The following TMEM178B variants were observed in gnomAD, a reference collection of about 807,000 sequenced individuals.
TMEM178B encodes the protein transmembrane protein 178B.
Under a neutral mutation model 31.0 loss-of-function variants are expected in TMEM178B, and 5 were observed. The observed-to-expected ratio is 0.16, with a 90% CI of 0.08 to 0.34. The LOEUF is 0.34. Ranked by LOEUF, TMEM178B falls within the 10% of genes least tolerant of loss-of-function variation. TMEM178B has a pLI of 1.00. For missense variants in TMEM178B, 275 were observed against 400.3 expected (o/e 0.69, Z 2.67); for synonymous variants, 164 against 164.0 (o/e 1.00, Z 0.00).
At chr7:141,494,683 C>T in the TMEM178B span, among the ~76,000 whole-genome samples, 3 of 152,154 alleles carry the variant, frequency 2.0e-5, no homozygotes, top group Non-Finnish European at 4.4e-5. Flanking sequence ...GTGGGAGGAT[C>T]GCTTGAGCTC....
At chr7:141,494,415 C>G in the TMEM178B span, among the ~76,000 whole-genome samples, 1 of 151,980 alleles carries the variant, frequency 6.6e-6, no homozygotes, top group Non-Finnish European at 1.5e-5. Context: ...CCTTTTTAGC[C>G]CTAAAATTCT....
chr7:141,468,646 G>A (rs1802186725), intron 3 of TMEM178B, among the ~76,000 whole-genome samples: 1 of 152,220 alleles, frequency 6.6e-6, no homozygotes, highest in African/African-American at 2.4e-5. Flanking sequence ...CAAATTTAGT[G>A]AGGCAGTGTC....
At chr7:141,340,122 ACTGTTGG>A (rs1799491672) in intron 2 of TMEM178B, among the ~76,000 whole-genome samples, 1 of 152,332 alleles carries the variant, frequency 6.6e-6, no homozygotes, top group African/African-American at 2.4e-5. Context: ...AAGATGCTAC[ACTGTTGG>A]CTTTGAATAT....
chr7:141,243,442 C>T (rs1797660725), intron 2 of TMEM178B, among the ~76,000 whole-genome samples: 1 of 152,094 alleles, frequency 6.6e-6, no homozygotes, highest in Non-Finnish European at 1.5e-5. Flanking sequence ...GAAGAAGCCT[C>T]TTAACCAAGG....
intron 2 of TMEM178B, among the ~76,000 whole-genome samples, chr7:141,223,455 C>T (rs902440632): frequency 6.7e-6 from 1 of 148,956 alleles, no homozygotes; most frequent in Non-Finnish European, 1.5e-5. Context: ...GGCTTTGGAG[C>T]TGATGTTCTC....
chr7:141,461,776 GC>G lies in TMEM178B; in HGVS notation c.635-8759del, dbSNP rs1312131101. Among the ~76,000 whole-genome samples the G allele has an allele frequency of 1.3e-5, 2 of 152,148 alleles. No homozygotes were observed. The highest frequency in any genetic ancestry group is 4.8e-5 in the African/African-American group (2 of 41,436). On this transcript the variant is annotated intron_variant, in intron 3 of 3. Transcript: ENST00000565468. The surrounding 1 kb of genome is among the most constrained non-coding windows in gnomAD (Gnocchi z 4.0). ...ACTGCCTTGTCCACCTTATACACCT[GC>G]AATTAGCACTCAGAGTGAGCTGAGC...
At chr7:141,371,221 C>G (rs1442805406) in intron 2 of TMEM178B, among the ~76,000 whole-genome samples, 1 of 152,142 alleles carries the variant, frequency 6.6e-6, no homozygotes, top group African/African-American at 2.4e-5. Flanking sequence ...GGCTGGATTG[C>G]TCATGAATAG....
chr7:141,207,708 C>T (rs1796988298), intron 1 of TMEM178B, among the ~76,000 whole-genome samples: 2 of 152,124 alleles, frequency 1.3e-5, no homozygotes, highest in African/African-American at 4.8e-5. Context: ...ATGACCCTGA[C>T]ATATGGGCAG....
At chr7:141,469,542 A>G (rs1393797485) in intron 3 of TMEM178B, among the ~76,000 whole-genome samples, 1 of 152,218 alleles carries the variant, frequency 6.6e-6, no homozygotes, top group African/African-American at 2.4e-5. Flanking sequence ...TCCCTATAAA[A>G]GTGCTTTTCC....
intron 2 of TMEM178B, among the ~76,000 whole-genome samples, chr7:141,287,092 C>A (rs778455304): frequency 6.6e-6 from 1 of 151,828 alleles, no homozygotes; most frequent in Non-Finnish European, 1.5e-5. Context: ...TCTGTTTTTT[C>A]GCCCTCCTTC....
intron 3 of TMEM178B, among the ~76,000 whole-genome samples, chr7:141,466,868 A>G (rs896780040): frequency 6.6e-6 from 1 of 152,192 alleles, no homozygotes; most frequent in Non-Finnish European, 1.5e-5. Context: ...CAAACCAGCA[A>G]TTGGAAGCAT....
Position 141,090,294 on chromosome 7 carries a change from C to T in TMEM178B, c.382+15602C>T, listed in dbSNP as rs1794860929. On this transcript the variant is annotated intron_variant, in intron 1 of 3. Coordinates refer to ENST00000565468, the MANE Select transcript of TMEM178B (RefSeq NM_001195278.2). The stretch of plus-strand genomic sequence containing the variant: ...TTGAACTATGACCTCAAGGGGTCCT[C>T]CCACCTCAGCATCCCAAACCCCAGA... Among the ~76,000 whole-genome samples the T allele has an allele frequency of 2.6e-5, 4 of 152,296 alleles. No individual in the cohort carries two copies. In the South Asian group the frequency reaches 8.3e-4, roughly 32 times the overall value.
At chr7:141,137,214 T>G (rs1795688960) in intron 1 of TMEM178B, among the ~76,000 whole-genome samples, 1 of 152,184 alleles carries the variant, frequency 6.6e-6, no homozygotes, top group Admixed American at 6.5e-5. Context: ...CTACTGGGTA[T>G]TTATTCAAAA....
intron 2 of TMEM178B, among the ~76,000 whole-genome samples, chr7:141,251,927 G>C (rs73737730): frequency 6.6e-6 from 1 of 152,092 alleles, no homozygotes; most frequent in Non-Finnish European, 1.5e-5. Context: ...AATGTCATTC[G>C]ACTTGATGTT....
chr7:141,074,717 C>G lies in TMEM178B; in HGVS notation c.382+25C>G. On this transcript the variant is annotated intron_variant, in intron 1 of 3. Transcript: ENST00000565468. The surrounding 1 kb of genome is among the most constrained non-coding windows in gnomAD (Gnocchi z 5.1). Reference sequence around the variant, plus strand: ...GGTAAGCGCCGGGCGCAAGGCGTGGCGCTGCGGAGAGCCCGGCGCCTTTAG... The same window carrying G: ...GGTAAGCGCCGGGCGCAAGGCGTGGGGCTGCGGAGAGCCCGGCGCCTTTAG... The G allele has an allele frequency of 2.1e-6, 3 of 1,452,764 alleles. No individual in the cohort carries two copies. Among genetic ancestry groups the G allele is most frequent in the Non-Finnish European group, 2.7e-6 (3 of 1,107,980 alleles). 90.0% of individuals were successfully genotyped at this position (1,452,764 alleles called of 1,614,324 possible).
chr7:141,470,110 A>G (rs1802212764), intron 3 of TMEM178B, among the ~76,000 whole-genome samples: 1 of 152,266 alleles, frequency 6.6e-6, no homozygotes, highest in Non-Finnish European at 1.5e-5. Flanking sequence ...TAAGAAAGAG[A>G]AAAGATTGTT....
intron 2 of TMEM178B, among the ~76,000 whole-genome samples, chr7:141,359,308 G>A (rs763315893): frequency 3.9e-5 from 6 of 152,296 alleles, no homozygotes; most frequent in Middle Eastern, 6.8e-3. Context: ...CCTCTTTGTA[G>A]TTGAGTCTTG....
chr7:141,394,387 C>T (rs1800599935), intron 2 of TMEM178B, among the ~76,000 whole-genome samples: 1 of 152,236 alleles, frequency 6.6e-6, no homozygotes, highest in Admixed American at 6.5e-5. Flanking sequence ...AGACCCTCTC[C>T]TGTGTGGTGG....
rs151051567 is a variant in TMEM178B, at chr7:141,154,638, G to C, written c.383-57953G>C. Among the ~76,000 whole-genome samples the C allele has an allele frequency of 4.0e-3, 609 of 152,240 alleles. 7 individuals are homozygous for C. Among genetic ancestry groups the C allele is most frequent in the African/African-American group, 0.014 (586 of 41,542 alleles). ...GGAAAGGCGATGGGCCTGGATCCAC[G>C]GTGGCCCTTGGATACTTATAGTTCT... On this transcript the variant is annotated intron_variant, in intron 1 of 3. Transcript: ENST00000565468.
Sources: gnomAD v4.1 joint callset for allele counts (sites outside exome capture counted in the v4.1 genomes callset) on GRCh38, gnomAD v4.1.1 for gene constraint, Gnocchi (gnomAD v3.1) non-coding constraint, MANE v1.5 for transcripts, NCBI Gene and HGNC (gene_info 2026-07-23, HGNC 2026-07-21) for gene names.